Variants in PLEKHG1 observed in about 807,000 individuals in gnomAD.
PLEKHG1 encodes the protein pleckstrin homology and RhoGEF domain containing G1.
Under a neutral mutation model 100.8 loss-of-function variants are expected in PLEKHG1, and 44 were observed. That is an observed-to-expected ratio of 0.44 (90% CI 0.34 to 0.56). The LOEUF (loss-of-function observed/expected upper bound fraction) is 0.56, where lower values mean the gene tolerates loss of function less well. PLEKHG1 is among the 20% of genes least tolerant of loss of function. PLEKHG1 has a pLI of 0.01. For missense variants in PLEKHG1, 1,545 were observed against 1,720.9 expected (o/e 0.90, Z 1.81); for synonymous variants, 640 against 662.5 (o/e 0.97, Z 0.52).
At chr6:150,695,102 CCT>C (rs1313850685) in intron 3 of PLEKHG1, among the ~76,000 whole-genome samples, 1 of 152,110 alleles carries the variant, frequency 6.6e-6, no homozygotes, top group Non-Finnish European at 1.5e-5. Context: ...CCATGTGAAC[CCT>C]GTTTTTTCAA....
At chr6:150,664,822 C>G (rs1156964209) in intron 3 of PLEKHG1, among the ~76,000 whole-genome samples, 1 of 152,090 alleles carries the variant, frequency 6.6e-6, no homozygotes, top group Non-Finnish European at 1.5e-5. Context: ...CCACATTCAT[C>G]GCAGAATTGG....
chr6:150,805,542 T>C (rs957648100), intron 7 of PLEKHG1, among the ~76,000 whole-genome samples: 3 of 151,914 alleles, frequency 2.0e-5, no homozygotes, highest in Non-Finnish European at 4.4e-5. Flanking sequence ...TTTTTTTTTT[T>C]TGGAGACGAA....
At chr6:150,809,004 G>C in intron 7 of PLEKHG1, 101 bp from the exon 9 acceptor site, 2 of 928,714 alleles carry the variant, frequency 2.2e-6, no homozygotes, top group Non-Finnish European at 3.3e-6. Flanking sequence ...CCCCCTCAGG[G>C]ACGATTTGGC....
chr6:150,634,188 G>C (rs893432691), intron 1 of PLEKHG1, among the ~76,000 whole-genome samples: 1 of 149,728 alleles, frequency 6.7e-6, no homozygotes, highest in Non-Finnish European at 1.5e-5. Context: ...AGGTTGCAGT[G>C]AGCTGAGATC....
intron 13 of PLEKHG1, among the ~76,000 whole-genome samples, 161 bp from the exon 15 acceptor site, chr6:150,823,493 A>G (rs534753918): frequency 6.6e-6 from 1 of 152,108 alleles, no homozygotes; most frequent in African/African-American, 2.4e-5. Flanking sequence ...CAGCTGGGAG[A>G]GCTGACAGGG....
chr6:150,768,113 A>C (rs1408180375), intron 2 of PLEKHG1, among the ~76,000 whole-genome samples: 2 of 152,242 alleles, frequency 1.3e-5, no homozygotes, highest in African/African-American at 2.4e-5. Flanking sequence ...GCTAATTAAC[A>C]CAGCATAGTA....
rs140748525 is a variant in PLEKHG1 at position 150,683,817 on chromosome 6, C to T, written c.-99+33031C>T. ...GCAGGAAACTGCTGCCTGGACAAAT[C>T]GTGTTCTGGGCCAAAGCATCACAGG... On this transcript the variant is annotated intron_variant, in intron 3 of 3. Transcript: ENST00000367326. The surrounding 1 kb of genome is among the most constrained non-coding windows in gnomAD (Gnocchi z 4.0). 1.1e-3 allele frequency: 1,468 copies of T among 1,288,470 alleles called. 25 individuals carry two copies. The South Asian group carries it at 0.012, about 10-fold the overall frequency. 79.8% of individuals were successfully genotyped at this position (1,288,470 alleles called of 1,614,324 possible).
chr6:150,839,937 C>T (rs1268077998), exon 16 of PLEKHG1: 2 of 1,613,406 alleles, frequency 1.2e-6, no homozygotes, highest in Non-Finnish European at 1.7e-6. Context: ...AGAATCCTCC[C>T]TCCTGAGGTC....
exon 12 of PLEKHG1, chr6:150,819,725 G>A (rs752452889): frequency 2.5e-6 from 4 of 1,612,924 alleles, no homozygotes; most frequent in Non-Finnish European, 3.4e-6. Context: ...CGAAAGCACT[G>A]TTCGGCTCTA....
At position 150,785,284 on chromosome 6, in the gene PLEKHG1, G is replaced by A. The variant is rs181696072; in HGVS notation, c.513-1106G>A. Among the ~76,000 whole-genome samples the A allele has an allele frequency of 1.3e-3, 200 of 152,126 alleles. 1 individual carries two copies. Among genetic ancestry groups the A allele is most frequent in the African/African-American group, 4.5e-3 (188 of 41,508 alleles). On this transcript the variant is annotated intron_variant, in intron 3 of 15. Transcript: ENST00000358517. ...GCTTGTTTTTATCATAATTCCTGTA[G>A]AACTACTTCACTTTTTATTAAATAT...
At chr6:150,606,824 G>C (rs187497025) in intron 1 of PLEKHG1, among the ~76,000 whole-genome samples, 1 of 152,192 alleles carries the variant, frequency 6.6e-6, no homozygotes, top group African/African-American at 2.4e-5. Context: ...GCACTCAGGG[G>C]CATGCTGGCT....
chr6:150,826,543 G>C (rs568075746), intron 14 of PLEKHG1, among the ~76,000 whole-genome samples: 1 of 152,274 alleles, frequency 6.6e-6, no homozygotes, highest in Admixed American at 6.5e-5. Flanking sequence ...GTTCATTCAG[G>C]CTGTGGCAAA....
At chr6:150,811,551 C>T (rs1174109255) in intron 10 of PLEKHG1, among the ~76,000 whole-genome samples, 1 of 151,020 alleles carries the variant, frequency 6.6e-6, no homozygotes, top group Non-Finnish European at 1.5e-5. Flanking sequence ...GGATGACAGG[C>T]ATGAGCCACT....
intron 1 of PLEKHG1, among the ~76,000 whole-genome samples, chr6:150,604,601 A>G (rs1331520899): frequency 1.3e-5 from 2 of 152,204 alleles, no homozygotes. Flanking sequence ...CCAAGATGAC[A>G]AGTTTCATTG....
intron 1 of PLEKHG1, among the ~76,000 whole-genome samples, chr6:150,611,741 G>A (rs184932425): frequency 5.3e-5 from 8 of 151,184 alleles, no homozygotes; most frequent in Admixed American, 5.3e-4. Context: ...CAACTCGGTA[G>A]GCGGAGGTTG....
exon 15 of PLEKHG1, chr6:150,830,850 G>C (rs777184734): frequency 3.7e-6 from 6 of 1,614,198 alleles, no homozygotes; most frequent in Non-Finnish European, 5.1e-6. Context: ...TGTGAAGATA[G>C]CACTTCTAGT....
chr6:150,782,703 G>T (rs1020164844), intron 3 of PLEKHG1, among the ~76,000 whole-genome samples: 26 of 152,158 alleles, frequency 1.7e-4, no homozygotes, highest in African/African-American at 6.3e-4. Context: ...TTACAAATTT[G>T]CAAAAAGGGG....
intron 3 of PLEKHG1, chr6:150,686,893 G>T (rs1489330362): frequency 6.6e-6 from 1 of 152,666 alleles, no homozygotes; most frequent in Non-Finnish European, 1.5e-5. Flanking sequence ...CAGCTATGGT[G>T]GGGGCTTTGG....
chr6:150,821,606 C>A (rs1037540387), intron 13 of PLEKHG1, among the ~76,000 whole-genome samples: 5 of 151,900 alleles, frequency 3.3e-5, no homozygotes, highest in Non-Finnish European at 7.4e-5. Context: ...ATCGCCTGAA[C>A]CTGGGAAGCA....
Sources: allele counts gnomAD v4.1 joint callset (sites outside exome capture counted in the v4.1 genomes callset), GRCh38; gene constraint gnomAD v4.1.1; non-coding constraint Gnocchi (gnomAD v3.1); transcripts MANE v1.5; gene names NCBI Gene and HGNC (gene_info 2026-07-23, HGNC 2026-07-21).